The following LMLN variants were observed in gnomAD, a reference collection of about 807,000 sequenced individuals.
LMLN encodes leishmanolysin like peptidase, also known as leishmanolysin-like peptidase.
LMLN carries 70 observed loss-of-function variants against 92.3 expected under a neutral mutation model. The observed-to-expected ratio is 0.76, with a 90% CI of 0.63 to 0.92. LMLN has a LOEUF of 0.92. Among genes scored for constraint, LMLN ranks in the 40% least tolerant of loss-of-function variants. LMLN has a pLI of 0.00. For missense variants in LMLN, 691 were observed against 814.6 expected, an observed-to-expected ratio of 0.85 and a Z score of 1.85; for synonymous variants, 308 against 296.2, an observed-to-expected ratio of 1.04 and a Z score of -0.41.
exon 9 of LMLN, chr3:197,990,621 G>T: frequency 3.1e-6 from 5 of 1,605,216 alleles, no homozygotes; most frequent in Non-Finnish European, 4.3e-6. Flanking sequence ...TGGGATGTTC[G>T]AGATAATAAG....
intron 15 of LMLN, among the ~76,000 whole-genome samples, chr3:198,036,785 T>C (rs1290946815): frequency 6.6e-6 from 1 of 152,240 alleles, no homozygotes; most frequent in African/African-American, 2.4e-5. Flanking sequence ...ACAATTAAAA[T>C]TTTGATTTAA....
chr3:197,989,470 A>G (rs1334206322), intron 8 of LMLN, among the ~76,000 whole-genome samples: 1 of 152,236 alleles, frequency 6.6e-6, no homozygotes, highest in East Asian at 1.9e-4. Context: ...TAATCAGCAC[A>G]GTTGTTAGAT....
intron 7 of LMLN, 21 bp from the exon 8 acceptor site, chr3:197,985,775 A>G (rs1458044192): frequency 1.5e-5 from 23 of 1,540,416 alleles, no homozygotes; most frequent in Non-Finnish European, 2.1e-5. Flanking sequence ...ACTTGAAGAC[A>G]TTTTGAACTT....
intron 4 of LMLN, chr3:197,976,343 C>T (rs1721380044): frequency 2.1e-6 from 1 of 474,626 alleles, no homozygotes; most frequent in South Asian, 4.1e-5. Flanking sequence ...TGTAGTTGTC[C>T]CCTGTTCTCC....
In LMLN at chr3:198,031,974, C is replaced by T. The variant is rs931514016; in HGVS notation, c.1657-3859C>T. ...AAAATTAGCCCGGTGTGGTGGTGGG[C>T]GCCTGTAATTCCAGCTACACAGGAG... is the stretch of plus-strand genomic sequence containing the variant. On this transcript the variant is annotated intron_variant, in intron 14 of 15. Coordinates refer to ENST00000330198, the Ensembl canonical transcript of LMLN. This position sits in a 1 kb window ranked among gnomAD's most constrained non-coding sequence, Gnocchi z 4.8. Among the ~76,000 whole-genome samples, 7 of 151,744 alleles carry T rather than the reference C, an allele frequency of 4.6e-5. No individual in the cohort carries two copies. The highest frequency in any genetic ancestry group is 2.1e-4 in the South Asian group (1 of 4,786).
intron 1 of LMLN, among the ~76,000 whole-genome samples, chr3:197,972,881 T>G (rs910362724): frequency 6.6e-6 from 1 of 152,164 alleles, no homozygotes; most frequent in African/African-American, 2.4e-5. Context: ...TATGCAGATT[T>G]TGGGGTACCT....
In LMLN at chr3:198,042,355, C is replaced by T. The variant is rs1241711055; in HGVS notation, c.*3688C>T. On this transcript the variant is annotated 3_prime_UTR_variant, in exon 16 of 16. Transcript: ENST00000330198. The surrounding 1 kb of genome is among the most constrained non-coding windows in gnomAD (Gnocchi z 4.2). ...ACAGTGAGCTGATCGCACCACTGCA[C>T]TGCAGCCTGGATGACAGAGTGAGAC... The T allele has an allele frequency of 6.6e-6, 1 of 151,794 alleles. No homozygotes were observed. Among genetic ancestry groups the T allele is most frequent in the Non-Finnish European group, 1.5e-5 (1 of 68,014 alleles). The allele number at this position is 151,794 out of a possible 1,614,324, so 9.4% of individuals were successfully genotyped here.
chr3:198,000,425 G>T (rs1358661362), intron 11 of LMLN, among the ~76,000 whole-genome samples: 1 of 152,208 alleles, frequency 6.6e-6, no homozygotes, highest in Admixed American at 6.5e-5. Flanking sequence ...TAAACATATA[G>T]AGGTTATTCT....
At chr3:197,977,235 CTA>C (rs748893689) in intron 5 of LMLN, among the ~76,000 whole-genome samples, 9 of 152,116 alleles carry the variant, frequency 5.9e-5, no homozygotes, top group Non-Finnish European at 1.2e-4. Context: ...AAGGAGATCT[CTA>C]TGTACTGACT....
intron 11 of LMLN, among the ~76,000 whole-genome samples, chr3:198,012,821 C>T (rs551372382): frequency 2.0e-5 from 3 of 149,684 alleles, no homozygotes; most frequent in African/African-American, 7.5e-5. Context: ...CCTAACTAGT[C>T]TGACTTCTCT....
chr3:197,964,795 G>T (rs1040216203), intron 1 of LMLN, among the ~76,000 whole-genome samples: 23 of 151,766 alleles, frequency 1.5e-4, no homozygotes, highest in Admixed American at 1.5e-3. Flanking sequence ...ATCACCTTAG[G>T]TCAGGAGTTT....
At chr3:197,990,670 T>C (rs1187455013) in exon 9 of LMLN, 2 of 1,501,588 alleles carry the variant, frequency 1.3e-6, no homozygotes, top group East Asian at 4.5e-5. Context: ...TAACGCCTCG[T>C]GTTGTTGTAA....
chr3:197,978,836 C>G (rs888808890), intron 5 of LMLN, among the ~76,000 whole-genome samples: 3 of 151,886 alleles, frequency 2.0e-5, no homozygotes, highest in African/African-American at 7.3e-5. Context: ...ACTAAAGATA[C>G]AAAAGTTAGC....
intron 14 of LMLN, among the ~76,000 whole-genome samples, chr3:198,027,104 T>C (rs1471318999): frequency 6.6e-6 from 1 of 152,204 alleles, no homozygotes; most frequent in South Asian, 2.1e-4. Context: ...TTTTCACATA[T>C]GTACTTCCTT....
intron 8 of LMLN, among the ~76,000 whole-genome samples, chr3:197,989,304 A>G (rs1374719371): frequency 6.6e-6 from 1 of 152,190 alleles, no homozygotes; most frequent in African/African-American, 2.4e-5. Flanking sequence ...AAGTTTAAGA[A>G]GTTGATTTCA....
chr3:197,980,027 C>T (rs1437052432), intron 5 of LMLN, among the ~76,000 whole-genome samples: 2 of 151,712 alleles, frequency 1.3e-5, no homozygotes, highest in Non-Finnish European at 1.5e-5. Flanking sequence ...GTTTTAAAAC[C>T]TTTTATATTT....
chr3:197,972,151 G>A (rs1021299016), intron 1 of LMLN, among the ~76,000 whole-genome samples: 5 of 151,216 alleles, frequency 3.3e-5, no homozygotes, highest in African/African-American at 9.7e-5. Flanking sequence ...TGCAACCACC[G>A]TCTCCCGAGT....
At position 198,042,969 on chromosome 3, in the gene LMLN, G is replaced by C. The variant is rs978589336; in HGVS notation, c.*4302G>C. The C allele has an allele frequency of 6.6e-6, 1 of 152,068 alleles. No homozygotes were observed. Among genetic ancestry groups the C allele is most frequent in the African/African-American group, 2.4e-5 (1 of 41,380 alleles). The allele number at this position is 152,068 out of a possible 1,614,324, so 9.4% of individuals were successfully genotyped here. A position where few individuals can be genotyped will look rare whatever the true frequency, so the allele number is the denominator to read the frequency against. On this transcript the variant is annotated 3_prime_UTR_variant, in exon 16 of 16. Transcript: ENST00000330198. This position sits in a 1 kb window ranked among gnomAD's most constrained non-coding sequence, Gnocchi z 4.2. ...CCTATAGGATAGTTATTTTTGTTGA[G>C]ATCAAATAGACATTCTATAAATGTT...
intron 9 of LMLN, among the ~76,000 whole-genome samples, chr3:197,993,340 A>C (rs1387129918): frequency 1.3e-5 from 2 of 152,200 alleles, no homozygotes; most frequent in African/African-American, 4.8e-5. Flanking sequence ...TTTGCTGATG[A>C]TCTTATACAT....
Sources: allele counts gnomAD v4.1 joint callset (sites outside exome capture counted in the v4.1 genomes callset), GRCh38; gene constraint gnomAD v4.1.1; non-coding constraint Gnocchi (gnomAD v3.1); transcripts MANE v1.5; gene names NCBI Gene and HGNC (gene_info 2026-07-23, HGNC 2026-07-21).